MAPRE2: variants seen among roughly 807,000 people sequenced by gnomAD.
The protein encoded by MAPRE2 is microtubule-associated protein RP/EB family member 2.
In MAPRE2, 13 loss-of-function variants were observed where a neutral mutation model predicts 43.2. The ratio of observed to expected loss-of-function variants is 0.30; its 90% CI spans 0.20 to 0.48. The LOEUF (loss-of-function observed/expected upper bound fraction) is 0.48. Ranked by LOEUF, MAPRE2 falls within the 20% of genes least tolerant of loss-of-function variation. MAPRE2 has a pLI of 0.99. For synonymous variants in MAPRE2, 135 were observed against 148.8 expected, an observed-to-expected ratio of 0.91 and a Z score of 0.68; for missense variants, 161 against 400.2, an observed-to-expected ratio of 0.40 and a Z score of 5.10.
At chr18:35,058,531 T>G (rs2150611921) in intron 1 of MAPRE2, among the ~76,000 whole-genome samples, 1 of 152,306 alleles carries the variant, frequency 6.6e-6, no homozygotes, top group South Asian at 2.1e-4. Context: ...TTTGACTAAT[T>G]TACCACAAAA....
At chr18:35,031,200 G>A (rs1436880374) in intron 2 of MAPRE2, among the ~76,000 whole-genome samples, 2 of 152,044 alleles carry the variant, frequency 1.3e-5, no homozygotes, top group Non-Finnish European at 2.9e-5. Context: ...GTAAGTTCAG[G>A]GAATTTTGTC....
rs114591969 is a variant in MAPRE2, at chr18:35,059,689, A to C, written c.123-10506A>C. Among the ~76,000 whole-genome samples, 1,472 of 152,278 alleles carry C rather than the reference A, an allele frequency of 9.7e-3. 34 individuals carry two copies. The highest frequency in any genetic ancestry group is 0.033 in the African/African-American group (1,380 of 41,558). ...GGGAGTAACTGGAAGCGGCCACTTC[A>C]GAAGTGGGCATGGAGGGTTCACTGG... On this transcript the variant is annotated intron_variant, in intron 1 of 6. Transcript: ENST00000300249.
intron 1 of MAPRE2, among the ~76,000 whole-genome samples, chr18:35,054,560 A>G (rs1906119016): frequency 6.6e-6 from 1 of 152,204 alleles, no homozygotes; most frequent in Non-Finnish European, 1.5e-5. Flanking sequence ...CAGCCACTCA[A>G]GGATCCCTTG....
chr18:35,125,836 A>G (rs535662935), intron 4 of MAPRE2, among the ~76,000 whole-genome samples: 2 of 152,080 alleles, frequency 1.3e-5, no homozygotes, highest in Non-Finnish European at 2.9e-5. Flanking sequence ...TCTTTTTTCC[A>G]CTTCACAACA....
intron 6 of MAPRE2, among the ~76,000 whole-genome samples, chr18:35,140,022 T>C (rs991367187): frequency 2.0e-5 from 3 of 152,240 alleles, no homozygotes; most frequent in African/African-American, 7.2e-5. Context: ...CTAAGAAGAT[T>C]TCCTTCCAAA....
At chr18:35,026,556 C>G (rs1034852241) in intron 2 of MAPRE2, among the ~76,000 whole-genome samples, 15 of 151,970 alleles carry the variant, frequency 9.9e-5, no homozygotes, top group Non-Finnish European at 2.2e-4. Context: ...TGAAAACAGG[C>G]GCAGTCTGCA....
intron 1 of MAPRE2, among the ~76,000 whole-genome samples, chr18:35,065,116 G>GA (rs1488460728): frequency 6.6e-6 from 1 of 152,010 alleles, no homozygotes; most frequent in Non-Finnish European, 1.5e-5. Context: ...CCAACATGGT[G>GA]AAACCCTGTC....
intron 2 of MAPRE2, among the ~76,000 whole-genome samples, chr18:35,017,448 T>C (rs1406752103): frequency 6.6e-6 from 1 of 151,932 alleles, no homozygotes; most frequent in Non-Finnish European, 1.5e-5. Context: ...CATGGAATGT[T>C]TTCCATTTGT....
chr18:35,141,463 A>G lies in MAPRE2; in HGVS notation c.*1094A>G, dbSNP rs1910632968. ...GGTGTAGACACTGGAATAACAGCAC[A>G]GAAAAATCTATGACTCCCAATATCT... On this transcript the variant is annotated 3_prime_UTR_variant, in exon 7 of 7. Coordinates refer to ENST00000300249, the MANE Select transcript of MAPRE2 (RefSeq NM_014268.4). 1 of 152,250 alleles carries G rather than the reference A, an allele frequency of 6.6e-6. No individual in the cohort carries two copies. 9.4% of individuals were successfully genotyped at this position (152,250 alleles called of 1,614,324 possible).
chr18:34,977,766 C>A lies in MAPRE2; in HGVS notation c.-70+687C>A, dbSNP rs144369620. Among the ~76,000 whole-genome samples, 111 of 152,260 alleles carry A rather than the reference C, an allele frequency of 7.3e-4. 2 individuals are homozygous for A. In the East Asian group the frequency reaches 0.02, roughly 28 times the overall value. On this transcript the variant is annotated intron_variant, in intron 1 of 7. Transcript: ENST00000413393. The stretch of plus-strand genomic sequence containing the variant: ...TCTCTTCTGCAGGGAGCCCCGGGAG[C>A]GCAGGGCGAGGGCTACTCAGCGACT...
chr18:35,123,386 T>C (rs901052473), intron 4 of MAPRE2, among the ~76,000 whole-genome samples: 1 of 152,188 alleles, frequency 6.6e-6, no homozygotes, highest in Non-Finnish European at 1.5e-5. Flanking sequence ...GCAACGACTT[T>C]TTTGTTGCTG....
chr18:35,056,749 T>C (rs1003574290), intron 1 of MAPRE2, among the ~76,000 whole-genome samples: 8 of 152,224 alleles, frequency 5.3e-5, no homozygotes, highest in African/African-American at 1.9e-4. Flanking sequence ...TTAATTATCT[T>C]TGAATGCTTA....
intron 6 of MAPRE2, among the ~76,000 whole-genome samples, chr18:35,132,710 T>TTGCTATTCACAAGTGC (rs901148757): frequency 8.5e-5 from 13 of 152,186 alleles, no homozygotes; most frequent in African/African-American, 1.7e-4. Context: ...GCCACCAGAG[T>TTGCTATTCACAAGTGC]TGCTATTCAC....
At chr18:35,011,873 C>T (rs2097034894) in intron 2 of MAPRE2, among the ~76,000 whole-genome samples, 1 of 151,738 alleles carries the variant, frequency 6.6e-6, no homozygotes, top group Non-Finnish European at 1.5e-5. Context: ...TGTTTCAGTG[C>T]TATGAAGAGA....
At chr18:35,058,450 A>G (rs1316175963) in intron 1 of MAPRE2, among the ~76,000 whole-genome samples, 3 of 152,214 alleles carry the variant, frequency 2.0e-5, no homozygotes, top group African/African-American at 7.2e-5. Flanking sequence ...CATAGTCAAG[A>G]TACCAATCTG....
intron 3 of MAPRE2, 32 bp downstream of exon 3, chr18:35,097,623 G>T: frequency 6.3e-7 from 1 of 1,583,174 alleles, no homozygotes; most frequent in South Asian, 1.1e-5. Context: ...AAAATGTGTT[G>T]TTTTTTCTTA....
At chr18:34,980,114 C>T (rs111856353) in intron 1 of MAPRE2, among the ~76,000 whole-genome samples, 1 of 149,662 alleles carries the variant, frequency 6.7e-6, no homozygotes, top group Non-Finnish European at 1.5e-5. Context: ...GCAACCTCCG[C>T]CTCCAAGTTC....
At chr18:35,012,156 G>GT (rs1277283886) in intron 2 of MAPRE2, among the ~76,000 whole-genome samples, 1 of 152,134 alleles carries the variant, frequency 6.6e-6, no homozygotes, top group Non-Finnish European at 1.5e-5. Context: ...CATTGTAAAC[G>GT]TGAGGACAAG....
intron 1 of MAPRE2, among the ~76,000 whole-genome samples, chr18:35,063,806 A>G (rs932055126): frequency 7.2e-5 from 11 of 151,924 alleles, no homozygotes; most frequent in Non-Finnish European, 1.2e-4. Flanking sequence ...TGATCAGCCT[A>G]TGCAACATAG....
Sources: allele counts gnomAD v4.1 joint callset (sites outside exome capture counted in the v4.1 genomes callset), GRCh38; gene constraint gnomAD v4.1.1; transcripts MANE v1.5; gene names NCBI Gene and HGNC (gene_info 2026-07-23, HGNC 2026-07-21).